MRPS14: variants seen among roughly 807,000 people sequenced by gnomAD.
The protein encoded by MRPS14 is mitochondrial ribosomal protein S14.
MRPS14 carries 14 observed loss-of-function variants against 16.4 expected under a neutral mutation model. The ratio of observed to expected loss-of-function variants is 0.85; its 90% CI spans 0.56 to 1.33. The LOEUF is 1.33. Ranked by LOEUF, MRPS14 falls within the 40% of genes most tolerant of loss-of-function variation. The pLI is 0.00. For missense variants in MRPS14, 162 were observed against 176.8 expected (o/e 0.92, Z 0.48); for synonymous variants, 54 against 61.9 (o/e 0.87, Z 0.60).
intron 2 of MRPS14, 82 bp from the exon 3 acceptor site, chr1:175,014,933 CTTTTCTTTTTTT>C (rs922453062): frequency 7.8e-6 from 6 of 768,852 alleles, no homozygotes; most frequent in South Asian, 4.5e-5. Flanking sequence ...AGGTAATTTT[CTTTTCTTTTTTT>C]TTTTTTTTTG....
Position 175,014,607 on chromosome 1 carries a change from T to A in MRPS14, c.*62A>T, listed in dbSNP as rs1172333870. On this transcript the variant is annotated 3_prime_UTR_variant, in exon 3 of 3. Coordinates refer to ENST00000476371, the MANE Select transcript of MRPS14 (RefSeq NM_022100.3). ...TTAGGGTTTGGTCTATTAAAAAAAA[T>A]CTTTGCTTGCTGGAACTGCAAGCTT... is the stretch of plus-strand genomic sequence containing the variant. 1 of 1,528,254 alleles carries A rather than the reference T, an allele frequency of 6.5e-7. No homozygotes were observed. Among genetic ancestry groups the A allele is most frequent in the Non-Finnish European group, 8.8e-7 (1 of 1,137,424 alleles). The allele number at this position is 1,528,254 out of a possible 1,614,324, so 94.7% of individuals were successfully genotyped here.
chr1:175,017,110 A>G (rs189800238), intron 2 of MRPS14, among the ~76,000 whole-genome samples: 7 of 151,788 alleles, frequency 4.6e-5, no homozygotes, highest in Middle Eastern at 3.4e-3. Context: ...GCTGGAGCGT[A>G]CTGGCGTGAT....
In MRPS14 at chr1:175,013,256, T is replaced by C. The variant is rs1210826528; in HGVS notation, c.*1413A>G. 6.6e-6 allele frequency: 1 copy of C among 152,216 alleles called. No homozygotes were observed. Among genetic ancestry groups the C allele is most frequent in the Non-Finnish European group, 1.5e-5 (1 of 68,044 alleles). 9.4% of individuals were successfully genotyped at this position (152,216 alleles called of 1,614,324 possible). A position where few individuals can be genotyped will look rare whatever the true frequency, so the allele number is the denominator to read the frequency against. ...CAGCTGCGTACTAGTCTTCATCAGA[T>C]GACACAGGCATCTCCAACACCGCAT... is the stretch of plus-strand genomic sequence containing the variant. On this transcript the variant is annotated 3_prime_UTR_variant, in exon 3 of 3. Transcript: ENST00000476371.
intron 2 of MRPS14, among the ~76,000 whole-genome samples, chr1:175,017,528 T>G (rs771368119): frequency 6.6e-6 from 1 of 152,184 alleles, no homozygotes; most frequent in Non-Finnish European, 1.5e-5. Flanking sequence ...TAAATGTAGT[T>G]TTTTAAAAAT....
chr1:175,020,034 C>A (rs1672950111), intron 1 of MRPS14, among the ~76,000 whole-genome samples: 1 of 152,076 alleles, frequency 6.6e-6, no homozygotes, highest in African/African-American at 2.4e-5. Context: ...TCTGCAATCA[C>A]CTTTTGAAAA....
At chr1:175,021,407 T>C (rs1196955533) in intron 1 of MRPS14, among the ~76,000 whole-genome samples, 1 of 152,248 alleles carries the variant, frequency 6.6e-6, no homozygotes, top group Non-Finnish European at 1.5e-5. Context: ...TGTCCTCCAC[T>C]CTTGTTTAAC....
At position 175,022,544 on chromosome 1, in the gene MRPS14, T is replaced by C. The variant is rs527669461; in HGVS notation, c.45+820A>G. 3 of 152,020 alleles carry C rather than the reference T, an allele frequency of 2.0e-5. No individual in the cohort carries two copies. The East Asian group carries it at 5.8e-4, about 29-fold the overall frequency. The allele number at this position is 152,020 out of a possible 1,614,324, so 9.4% of individuals were successfully genotyped here. A position where few individuals can be genotyped will look rare whatever the true frequency, so the allele number is the denominator to read the frequency against. The stretch of plus-strand genomic sequence containing the variant: ...CAAATAAATCTGTAACTGGTTGTGA[T>C]CAATTAGTTGTAAACACCACTGCAC... On this transcript the variant is annotated intron_variant, in intron 1 of 2. Transcript: ENST00000476371.
intron 2 of MRPS14, among the ~76,000 whole-genome samples, chr1:175,016,751 G>A (rs374272916): frequency 2.6e-5 from 4 of 152,164 alleles, no homozygotes; most frequent in South Asian, 2.1e-4. Context: ...CCACAATGAA[G>A]TTAATGAATG....
chr1:175,016,946 T>A (rs995297032), intron 2 of MRPS14, among the ~76,000 whole-genome samples: 2 of 152,066 alleles, frequency 1.3e-5, no homozygotes, highest in Non-Finnish European at 2.9e-5. Flanking sequence ...ATCTCCTGAT[T>A]TCCCCCTGCC....
rs1250379802 is a variant in MRPS14 at position 175,013,027 on chromosome 1, C to T, written c.*1642G>A. Reference sequence around the variant, plus strand: ...TTCAAACTATAGCATGTATATATATCAAGTTGGCAGTATAAACTACTTGCA... The same window carrying T: ...TTCAAACTATAGCATGTATATATATTAAGTTGGCAGTATAAACTACTTGCA... On this transcript the variant is annotated 3_prime_UTR_variant, in exon 3 of 3. Coordinates refer to ENST00000476371, the MANE Select transcript of MRPS14 (RefSeq NM_022100.3). 2.6e-5 allele frequency: 4 copies of T among 152,286 alleles called. No individual in the cohort carries two copies. The highest frequency in any genetic ancestry group is 5.9e-5 in the Non-Finnish European group (4 of 68,018). The allele number at this position is 152,286 out of a possible 1,614,324, so 9.4% of individuals were successfully genotyped here.
chr1:175,014,617 C>T lies in MRPS14; in HGVS notation c.*52G>A, dbSNP rs998264656. On this transcript the variant is annotated 3_prime_UTR_variant, in exon 3 of 3. Coordinates refer to ENST00000476371, the MANE Select transcript of MRPS14 (RefSeq NM_022100.3). ...GTCTATTAAAAAAAATCTTTGCTTG[C>T]TGGAACTGCAAGCTTGGCTTCCCTG... The T allele has an allele frequency of 1.2e-5, 19 of 1,543,940 alleles. 1 individual carries two copies. In the African/African-American group the frequency reaches 2.4e-4, roughly 19 times the overall value.
chr1:175,014,681 T>C lies in MRPS14; in HGVS notation c.375A>G (p.Arg125=). The C allele has an allele frequency of 5.6e-6, 9 of 1,610,574 alleles. No homozygotes were observed. The highest frequency in any genetic ancestry group is 7.6e-6 in the Non-Finnish European group (9 of 1,178,428). ...TTCTGGAGCTCATTTACCATGTCGCTCGCTGGATCCCAGAAAGTTGCCCAT... is the reference window on the plus strand; with the variant it reads ...TTCTGGAGCTCATTTACCATGTCGCCCGCTGGATCCCAGAAAGTTGCCCAT... ...ADHGQLSGIQ[R]ATW Residue 125 remains arginine (R), a synonymous_variant, in exon 3 of 3, where the codon CGA becomes CGG. Transcript: ENST00000476371.
At chr1:175,020,807 T>C (rs1433280407) in intron 1 of MRPS14, among the ~76,000 whole-genome samples, 3 of 152,216 alleles carry the variant, frequency 2.0e-5, no homozygotes, top group African/African-American at 7.2e-5. Context: ...CATTTTTATG[T>C]GCTTTGTCTG....
intron 2 of MRPS14, 80 bp from the exon 3 acceptor site, chr1:175,014,931 TTCTTTTC>T (rs1169886114): frequency 2.4e-6 from 3 of 1,233,666 alleles, no homozygotes; most frequent in African/African-American, 4.2e-5. Context: ...GCAGGTAATT[TTCTTTTC>T]TTTTTTTTTT....
At chr1:175,018,616 GAC>G in intron 1 of MRPS14, 40 bp from the exon 2 acceptor site, 6 of 1,533,336 alleles carry the variant, frequency 3.9e-6, no homozygotes, top group Non-Finnish European at 5.3e-6. Flanking sequence ...GGATAGCCAG[GAC>G]AACATTCTGA....
chr1:175,018,565 T>C lies in MRPS14; in HGVS notation c.57A>G (p.Ser19=), dbSNP rs983312731. 1.3e-6 allele frequency: 2 copies of C among 1,597,052 alleles called. No homozygotes were observed. The highest frequency in any genetic ancestry group is 2.7e-5 in the African/African-American group (2 of 74,124). Residue 19 remains serine, a synonymous_variant, in exon 2 of 3, where the codon TCA becomes TCG. Coordinates refer to ENST00000476371, the MANE Select transcript of MRPS14 (RefSeq NM_022100.3). ...LLRTFKQMVP[S]SASGQVRSHY... is the part of the protein sequence containing the mutation. ...GACTTCGAACTTGGCCTGAAGCTGA[T>C]GAAGGAACCATCTGAAAGACAGAGA...
At chr1:175,018,175 C>G (rs577938179) in intron 2 of MRPS14, among the ~76,000 whole-genome samples, 1 of 151,810 alleles carries the variant, frequency 6.6e-6, no homozygotes, top group Non-Finnish European at 1.5e-5. Flanking sequence ...GTGAAAATAA[C>G]CACCCAATTT....
chr1:175,014,879 T>C lies in MRPS14; in HGVS notation c.205-28A>G, dbSNP rs747086759. ...AAGGGAAATCACATTATTACACAGA[T>C]CACATTACATTGTTGCACATGTATT... On this transcript the variant is annotated intron_variant, in intron 2 of 2. Transcript: ENST00000476371. 42 of 1,600,240 alleles carry C rather than the reference T, an allele frequency of 2.6e-5. No individual in the cohort carries two copies. The South Asian group carries it at 4.0e-4, about 15-fold the overall frequency.
Position 175,018,430 on chromosome 1 carries a change from T to C in MRPS14, c.192A>G (p.Pro64=), listed in dbSNP as rs752472261. 3.1e-6 allele frequency: 5 copies of C among 1,597,072 alleles called. No homozygotes were observed. The highest frequency in any genetic ancestry group is 3.6e-5 in the Admixed American group (2 of 54,840). The change falls in exon 2 of 3, where the codon CCA becomes CCG. Residue 64 remains proline (P), a synonymous_variant. Transcript: ENST00000476371. ...TTAATTAGCTAACCTGAAGAATTTT[T>C]GGCAAAATGGTATTCTTCCTGAGTG... ...INSLRKNTIL[P]KILQDVADEE...
Sources: gnomAD v4.1 joint callset for allele counts (sites outside exome capture counted in the v4.1 genomes callset) on GRCh38, gnomAD v4.1.1 for gene constraint, MANE v1.5 for transcripts, NCBI Gene and HGNC (gene_info 2026-07-23, HGNC 2026-07-21) for gene names.